XPA: variants seen among roughly 807,000 people sequenced by gnomAD.
XPA encodes the protein XPA, DNA damage recognition and repair factor.
Under a neutral mutation model 35.7 loss-of-function variants are expected in XPA, and 27 were observed. The observed-to-expected ratio is 0.76, with a 90% CI of 0.56 to 1.04. XPA has a LOEUF of 1.04. Among genes scored for constraint, XPA ranks in the 50% least tolerant of loss-of-function variants. XPA has a pLI of 0.00. For missense variants in XPA, 354 were observed against 342.7 expected (o/e 1.03, Z -0.26); for synonymous variants, 133 against 118.4 (o/e 1.12, Z -0.80).
At chr9:97,693,444 A>T (rs3176653) in intron 2 of XPA, among the ~76,000 whole-genome samples, 292 of 152,304 alleles carry the variant, frequency 1.9e-3, no homozygotes, top group Non-Finnish European at 2.9e-3. Context: ...GCCACAAGTT[A>T]AATAATCATT....
chr9:97,666,860 G>A, the XPA span: 2 of 1,605,892 alleles, frequency 1.2e-6, no homozygotes, highest in African/African-American at 1.3e-5. Context: ...AGAGAAACTT[G>A]CTAGGCAACA....
chr9:97,693,604 CAAAA>C (rs1442943770), intron 2 of XPA, 41 bp downstream of exon 2: 2 of 1,541,846 alleles, frequency 1.3e-6, no homozygotes, highest in African/African-American at 2.7e-5. Context: ...GCATGTTACT[CAAAA>C]TAACCAATCT....
chr9:97,674,856 CTAGACTAATGT>C, downstream of XPA: 1 of 424,622 alleles, frequency 2.4e-6, no homozygotes. Flanking sequence ...AAAAAGCTAT[CTAGACTAATGT>C]TAAGTCCCAC....
the XPA span, among the ~76,000 whole-genome samples, chr9:97,657,827 G>C: frequency 6.7e-6 from 1 of 149,376 alleles, no homozygotes; most frequent in East Asian, 2.0e-4. Context: ...TAAACTATGA[G>C]GATTATTTAT....
intron 5 of XPA, among the ~76,000 whole-genome samples, chr9:97,677,040 G>A (rs574329323): frequency 6.6e-6 from 1 of 152,022 alleles, no homozygotes; most frequent in African/African-American, 2.4e-5. Flanking sequence ...TAAGGAAGAT[G>A]TTGCCTACTT....
At chr9:97,688,715 C>G (rs903698208) in intron 3 of XPA, among the ~76,000 whole-genome samples, 1 of 152,146 alleles carries the variant, frequency 6.6e-6, no homozygotes, top group Admixed American at 6.5e-5. Flanking sequence ...TGTATCTGAT[C>G]ATGAGACCAG....
chr9:97,689,664 G>A, intron 2 of XPA, 25 bp from the exon 3 acceptor site: 1 of 1,431,954 alleles, frequency 7.0e-7, no homozygotes, highest in Non-Finnish European at 9.8e-7. Flanking sequence ...ATGAACTCTA[G>A]TTTCCTTTTT....
the XPA span, chr9:97,666,921 A>G: frequency 7.4e-7 from 1 of 1,342,594 alleles, no homozygotes; most frequent in Admixed American, 2.2e-5. Flanking sequence ...AAAATATACC[A>G]GAAACTCTGG....
chr9:97,668,998 A>C, the XPA span: 1 of 1,579,080 alleles, frequency 6.3e-7, no homozygotes, highest in Non-Finnish European at 8.6e-7. Flanking sequence ...GGACATTTAT[A>C]CATAAAAGGA....
At chr9:97,677,649 T>C (rs887145808) in intron 5 of XPA, among the ~76,000 whole-genome samples, 2 of 152,122 alleles carry the variant, frequency 1.3e-5, no homozygotes, top group Admixed American at 6.5e-5. Flanking sequence ...TGAGCCATGA[T>C]TGCACCACTG....
At chr9:97,666,784 G>A in the XPA span, 2 of 1,602,956 alleles carry the variant, frequency 1.2e-6, no homozygotes, top group Non-Finnish European at 1.7e-6. Context: ...GGGAAATTTT[G>A]CACTCTACAA....
At chr9:97,675,894 C>A (rs540229876) in intron 5 of XPA, 2 of 388,578 alleles carry the variant, frequency 5.1e-6, no homozygotes, top group South Asian at 2.8e-5. Context: ...TTGAGTAACA[C>A]AATAGGACAC....
the XPA span, among the ~76,000 whole-genome samples, chr9:97,665,187 G>A: frequency 6.6e-6 from 1 of 152,198 alleles, no homozygotes; most frequent in African/African-American, 2.4e-5. Flanking sequence ...GAATTGTTAG[G>A]GTGATAGGGT....
At chr9:97,688,338 T>C (rs1587747195) in intron 3 of XPA, among the ~76,000 whole-genome samples, 1 of 143,952 alleles carries the variant, frequency 6.9e-6, no homozygotes, top group Admixed American at 6.9e-5. Context: ...ATCACTCACT[T>C]CTTCACTAAT....
the XPA span, among the ~76,000 whole-genome samples, chr9:97,657,483 CCCACCA>C: frequency 6.6e-6 from 1 of 152,274 alleles, no homozygotes; most frequent in East Asian, 1.9e-4. Flanking sequence ...GCACATGATT[CCCACCA>C]CTGGTGATGT....
the XPA span, chr9:97,669,735 A>C: frequency 7.1e-7 from 1 of 1,407,044 alleles, no homozygotes; most frequent in East Asian, 2.3e-5. Context: ...TTAGGTAATA[A>C]CACTATTCTC....
chr9:97,660,710 T>C, the XPA span, among the ~76,000 whole-genome samples: 1 of 152,226 alleles, frequency 6.6e-6, no homozygotes, highest in Non-Finnish European at 1.5e-5. Flanking sequence ...TAGCTAAGTG[T>C]CCTTAATGAA....
chr9:97,658,614 T>A, the XPA span: 1 of 1,537,282 alleles, frequency 6.5e-7, no homozygotes, highest in Middle Eastern at 1.7e-4. Context: ...AAAAGATATT[T>A]TCTGAGGCTG....
the XPA span, among the ~76,000 whole-genome samples, chr9:97,665,774 G>A: frequency 1.5e-5 from 1 of 64,712 alleles, no homozygotes; most frequent in East Asian, 4.7e-4. Flanking sequence ...ACCCCACACA[G>A]TCAAAAATCT....
Sources: allele counts gnomAD v4.1 joint callset (sites outside exome capture counted in the v4.1 genomes callset), GRCh38; gene constraint gnomAD v4.1.1; transcripts MANE v1.5; gene names NCBI Gene and HGNC (gene_info 2026-07-23, HGNC 2026-07-21).